The following FAM13A variants were observed in gnomAD, a reference collection of about 807,000 sequenced individuals.
FAM13A encodes family with sequence similarity 13 member A, also known as protein FAM13A.
A neutral mutation model predicts 129.6 loss-of-function variants in FAM13A; 76 were observed. The ratio of observed to expected loss-of-function variants is 0.59; its 90% CI spans 0.49 to 0.71. The LOEUF (loss-of-function observed/expected upper bound fraction) is 0.71. FAM13A is among the 30% of genes least tolerant of loss of function. The pLI is 0.00. For synonymous variants in FAM13A, 443 were observed against 449.9 expected (o/e 0.98, Z 0.20); for missense variants, 1,108 against 1,249.3 (o/e 0.89, Z 1.70).
intron 11 of FAM13A, among the ~76,000 whole-genome samples, chr4:88,779,719 T>C (rs895170879): frequency 2.0e-5 from 3 of 152,212 alleles, no homozygotes; most frequent in Non-Finnish European, 4.4e-5. Flanking sequence ...GCACAGACTA[T>C]GTCCATAGTT....
At chr4:88,941,780 C>T (rs1754800222) in intron 4 of FAM13A, among the ~76,000 whole-genome samples, 1 of 152,190 alleles carries the variant, frequency 6.6e-6, no homozygotes, top group African/African-American at 2.4e-5. Flanking sequence ...GTACTCTGAT[C>T]TCTTTGGCTT....
At chr4:88,800,955 TTTACC>T (rs1727340472) in intron 8 of FAM13A, among the ~76,000 whole-genome samples, 1 of 152,016 alleles carries the variant, frequency 6.6e-6, no homozygotes, top group Admixed American at 6.6e-5. Context: ...ATGAAGGATT[TTTACC>T]TTAAAATAAT....
chr4:88,847,332 A>G (rs1376420804), intron 7 of FAM13A, among the ~76,000 whole-genome samples: 1 of 152,178 alleles, frequency 6.6e-6, no homozygotes, highest in Non-Finnish European at 1.5e-5. Context: ...TCAAGGCTGC[A>G]GTGAGCTGAG....
chr4:88,847,247 G>A (rs1736792673), intron 7 of FAM13A, among the ~76,000 whole-genome samples: 1 of 152,190 alleles, frequency 6.6e-6, no homozygotes, highest in East Asian at 1.9e-4. Context: ...GCTGGACATG[G>A]TGGTTCATGC....
At chr4:88,973,538 C>A (rs538396473) in intron 4 of FAM13A, among the ~76,000 whole-genome samples, 1 of 152,078 alleles carries the variant, frequency 6.6e-6, no homozygotes, top group African/African-American at 2.4e-5. Flanking sequence ...GCTTACAATC[C>A]CTTCTGTTCT....
At chr4:88,906,859 T>C (rs769614622) in intron 5 of FAM13A, among the ~76,000 whole-genome samples, 1 of 152,224 alleles carries the variant, frequency 6.6e-6, no homozygotes, top group Non-Finnish European at 1.5e-5. Context: ...ATTTTACAGA[T>C]GTATTCTGAC....
intron 10 of FAM13A, among the ~76,000 whole-genome samples, chr4:88,782,660 T>C (rs1047695592): frequency 6.6e-6 from 1 of 152,194 alleles, no homozygotes; most frequent in Non-Finnish European, 1.5e-5. Context: ...CATATTTTAG[T>C]CTTTTTTCTA....
intron 2 of FAM13A, among the ~76,000 whole-genome samples, chr4:89,024,323 A>C (rs1438108970): frequency 2.0e-5 from 3 of 152,188 alleles, no homozygotes; most frequent in Non-Finnish European, 4.4e-5. Flanking sequence ...TCTTCATGCC[A>C]AACTAAGAGA....
Position 89,033,136 on chromosome 4 carries a change from A to T in FAM13A, c.28-3487T>A, listed in dbSNP as rs868485485. On this transcript the variant is annotated intron_variant, in intron 1 of 23. Coordinates refer to ENST00000264344, the MANE Select transcript of FAM13A (RefSeq NM_014883.4). ...GTTCTGTAACAACACACACACACAC[A>T]CTCTCTCTCTCTCTCTCTCTCTAAT... 2.8e-3 allele frequency among the ~76,000 whole-genome samples: 424 copies of T among 149,956 alleles called. 3 individuals carry two copies. The highest frequency in any genetic ancestry group is 9.0e-3 in the South Asian group (43 of 4,784).
At chr4:88,856,953 G>A (rs933947274) in intron 6 of FAM13A, among the ~76,000 whole-genome samples, 1 of 152,110 alleles carries the variant, frequency 6.6e-6, no homozygotes, top group Non-Finnish European at 1.5e-5. Context: ...AAAAGCCTTT[G>A]TTTTTGCTTA....
At chr4:88,813,114 T>C (rs1292456772) in intron 7 of FAM13A, among the ~76,000 whole-genome samples, 1 of 152,114 alleles carries the variant, frequency 6.6e-6, no homozygotes, top group Non-Finnish European at 1.5e-5. Flanking sequence ...GTACTCTTTG[T>C]GGTATACAGA....
chr4:88,953,913 A>AT (rs1164530604), intron 4 of FAM13A, among the ~76,000 whole-genome samples: 1 of 152,130 alleles, frequency 6.6e-6, no homozygotes, highest in African/African-American at 2.4e-5. Flanking sequence ...TCTTGTACGT[A>AT]TTTTTAAAAA....
chr4:88,859,157 G>A (rs1231249183), intron 6 of FAM13A, among the ~76,000 whole-genome samples: 1 of 152,222 alleles, frequency 6.6e-6, no homozygotes, highest in Non-Finnish European at 1.5e-5. Context: ...AATAGCAAAG[G>A]AAAGAGGCGA....
intron 5 of FAM13A, among the ~76,000 whole-genome samples, chr4:88,923,779 G>T (rs1256316722): frequency 6.6e-6 from 1 of 152,146 alleles, no homozygotes; most frequent in East Asian, 1.9e-4. Flanking sequence ...GTTTGCAGAT[G>T]ACATGATTGT....
intron 7 of FAM13A, among the ~76,000 whole-genome samples, chr4:88,828,924 T>C (rs1733462540): frequency 6.6e-6 from 1 of 152,238 alleles, no homozygotes; most frequent in Non-Finnish European, 1.5e-5. Flanking sequence ...CATTATCCAG[T>C]TTCTCCTAGG....
Position 89,018,846 on chromosome 4 carries a change from C to G in FAM13A, c.427+1614G>C, listed in dbSNP as rs533836701. Among the ~76,000 whole-genome samples, 5 of 152,356 alleles carry G rather than the reference C, an allele frequency of 3.3e-5. No homozygotes were observed. The East Asian group carries it at 9.6e-4, about 29-fold the overall frequency. ...CACAGACAGTCTGGCTATGGGTGCCCTGGGTGGCAGCACAAGAAGGCAGGG... is the reference window on the plus strand; with the variant it reads ...CACAGACAGTCTGGCTATGGGTGCCGTGGGTGGCAGCACAAGAAGGCAGGG... On this transcript the variant is annotated intron_variant, in intron 3 of 23. Coordinates refer to ENST00000264344, the MANE Select transcript of FAM13A (RefSeq NM_014883.4).
intron 6 of FAM13A, among the ~76,000 whole-genome samples, chr4:88,870,003 T>C (rs12649368): frequency 0.71 from 107,836 of 152,072 alleles, 39,720 homozygotes; most frequent in East Asian, 0.95. Context: ...CCAAGATTAA[T>C]TCTAAACTGA....
At chr4:88,804,006 C>T (rs559160937) in intron 8 of FAM13A, among the ~76,000 whole-genome samples, 1 of 152,172 alleles carries the variant, frequency 6.6e-6, no homozygotes, top group Admixed American at 6.5e-5. Flanking sequence ...CCTGTAATCC[C>T]AGCACTTAGG....
chr4:88,947,615 A>C (rs1040260101), intron 4 of FAM13A, among the ~76,000 whole-genome samples: 10 of 152,100 alleles, frequency 6.6e-5, no homozygotes. Flanking sequence ...TTCCTGCCAT[A>C]CAAGGAAAGT....
Sources: allele counts gnomAD v4.1 joint callset (sites outside exome capture counted in the v4.1 genomes callset), GRCh38; gene constraint gnomAD v4.1.1; transcripts MANE v1.5; gene names NCBI Gene and HGNC (gene_info 2026-07-23, HGNC 2026-07-21).